HECW2: variants seen among roughly 807,000 people sequenced by gnomAD.
HECW2 encodes the protein E3 ubiquitin-protein ligase HECW2.
Under a neutral mutation model 175.2 loss-of-function variants are expected in HECW2, and 61 were observed. The ratio of observed to expected loss-of-function variants is 0.35; its 90% CI spans 0.28 to 0.43. The LOEUF (loss-of-function observed/expected upper bound fraction) is 0.43, where lower values mean the gene tolerates loss of function less well. Among genes scored for constraint, HECW2 ranks in the 20% least tolerant of loss-of-function variants. The probability of loss-of-function intolerance (pLI) is 1.00; values close to 1 mark genes in which losing one functional copy is unlikely to be tolerated. For synonymous variants in HECW2, 671 were observed against 731.0 expected (o/e 0.92, Z 1.32); for missense variants, 1,524 against 2,000.5 (o/e 0.76, Z 4.54).
At chr2:196,220,013 C>T in intron 26 of HECW2, 26 bp downstream of exon 26, 1 of 1,400,850 alleles carries the variant, frequency 7.1e-7, no homozygotes, top group East Asian at 2.3e-5. Context: ...AATTTAAAAT[C>T]TAGCCATCTA....
At position 196,320,452 on chromosome 2, in the gene HECW2, A is replaced by G. The variant is rs755772541; in HGVS notation, c.885-13T>C. On this transcript the variant is annotated splice_polypyrimidine_tract_variant and intron_variant, in intron 7 of 28. Coordinates refer to ENST00000644978, the MANE Select transcript of HECW2 (RefSeq NM_001348768.2). ...GAGCATTTGATCACTGCAAGAAGAGAAATGCTTCTTTCATCCTGACTACGC... is the reference window on the plus strand; with the variant it reads ...GAGCATTTGATCACTGCAAGAAGAGGAATGCTTCTTTCATCCTGACTACGC... 1 of 1,572,304 alleles carries G rather than the reference A, an allele frequency of 6.4e-7. No individual in the cohort carries two copies.
At chr2:196,446,682 A>G (rs1696194668) in intron 1 of HECW2, among the ~76,000 whole-genome samples, 2 of 152,234 alleles carry the variant, frequency 1.3e-5, no homozygotes, top group Non-Finnish European at 2.9e-5. Flanking sequence ...GTTAAATTTT[A>G]AAGTCTGAGG....
chr2:196,288,261 T>C (rs1033793371), intron 14 of HECW2: 2 of 152,218 alleles, frequency 1.3e-5, no homozygotes, highest in East Asian at 3.8e-4. Flanking sequence ...TTCATGATCA[T>C]GGCTGACGGA....
chr2:196,313,491 T>G (rs1439405222), intron 10 of HECW2, among the ~76,000 whole-genome samples: 1 of 152,166 alleles, frequency 6.6e-6, no homozygotes, highest in Non-Finnish European at 1.5e-5. Context: ...ATCATTAGAA[T>G]ATCTCTCAAC....
chr2:196,323,328 CT>C (rs1276183973), intron 6 of HECW2, among the ~76,000 whole-genome samples: 1 of 152,190 alleles, frequency 6.6e-6, no homozygotes, highest in Non-Finnish European at 1.5e-5. Flanking sequence ...CTCACAGAGA[CT>C]TTTACATATA....
At chr2:196,516,916 C>A (rs936342814) in intron 1 of HECW2, among the ~76,000 whole-genome samples, 1 of 152,178 alleles carries the variant, frequency 6.6e-6, no homozygotes, top group East Asian at 1.9e-4. Context: ...CCATTCCTCG[C>A]AAGCTGTTAC....
At chr2:196,278,133 A>AAAAAAAAAAAATAT (rs531920307) in intron 15 of HECW2, among the ~76,000 whole-genome samples, 1 of 66,548 alleles carries the variant, frequency 1.5e-5, no homozygotes, top group Non-Finnish European at 3.3e-5. Flanking sequence ...ATAATTAAAA[A>AAAAAAAAAAAATAT]ATATATATAT....
At chr2:196,531,323 G>A (rs895213174) in intron 1 of HECW2, among the ~76,000 whole-genome samples, 10 of 152,120 alleles carry the variant, frequency 6.6e-5, no homozygotes, top group Admixed American at 2.6e-4. Flanking sequence ...TGTTACAGCA[G>A]CTTAGCTTGT....
chr2:196,340,992 T>C (rs1692731093), intron 3 of HECW2, among the ~76,000 whole-genome samples: 1 of 152,106 alleles, frequency 6.6e-6, no homozygotes, highest in South Asian at 2.1e-4. Context: ...ATCAAGCCCA[T>C]TTCTATTAAA....
At chr2:196,449,847 A>G (rs1222737251) in intron 1 of HECW2, among the ~76,000 whole-genome samples, 1 of 152,112 alleles carries the variant, frequency 6.6e-6, no homozygotes, top group Non-Finnish European at 1.5e-5. Flanking sequence ...TTTTAAATTT[A>G]TAGAAAGATA....
At chr2:196,521,850 T>C (rs1258040141) in intron 1 of HECW2, among the ~76,000 whole-genome samples, 2 of 150,188 alleles carry the variant, frequency 1.3e-5, no homozygotes, top group African/African-American at 4.9e-5. Context: ...CCATGGTGTA[T>C]ATGTGCCACA....
chr2:196,223,068 A>AT (rs1042666204), intron 23 of HECW2, among the ~76,000 whole-genome samples: 8 of 151,720 alleles, frequency 5.3e-5, no homozygotes, highest in East Asian at 3.9e-4. Flanking sequence ...TTTAAGGGTC[A>AT]TTTTTTTTCA....
At chr2:196,413,347 C>T (rs182917622) in intron 2 of HECW2, among the ~76,000 whole-genome samples, 4 of 151,822 alleles carry the variant, frequency 2.6e-5, no homozygotes, top group Admixed American at 1.3e-4. Flanking sequence ...AGAGCAAGAC[C>T]CTGTCTTTTT....
intron 28 of HECW2, among the ~76,000 whole-genome samples, chr2:196,205,054 G>A (rs1687018723): frequency 1.3e-5 from 2 of 152,178 alleles, no homozygotes; most frequent in Admixed American, 1.3e-4. Flanking sequence ...GACATAATCA[G>A]CATTACTAAT....
Position 196,235,616 on chromosome 2 carries a change from AC to A in HECW2, c.3764+4832del, listed in dbSNP as rs1688216799. ...AGCTGAAATCTCTCTGCTCATTCACACCTTTTTTGGAGCACAGGTAGATGCA... is the reference window on the plus strand; with the variant it reads ...AGCTGAAATCTCTCTGCTCATTCACACTTTTTTGGAGCACAGGTAGATGCA... On this transcript the variant is annotated intron_variant, in intron 21 of 28. Coordinates refer to ENST00000644978, the MANE Select transcript of HECW2 (RefSeq NM_001348768.2). Among the ~76,000 whole-genome samples, 3 of 143,056 alleles carry A rather than the reference AC, an allele frequency of 2.1e-5. No individual in the cohort carries two copies. The South Asian group carries it at 6.7e-4, about 32-fold the overall frequency. The allele number at this position is 143,056 out of a possible 152,430, so 93.9% of individuals were successfully genotyped here. A position where few individuals can be genotyped will look rare whatever the true frequency, so the allele number is the denominator to read the frequency against.
intron 1 of HECW2, among the ~76,000 whole-genome samples, chr2:196,575,138 A>T (rs1222405149): frequency 6.6e-6 from 1 of 151,750 alleles, no homozygotes; most frequent in African/African-American, 2.4e-5. Flanking sequence ...TTTGCAAAAA[A>T]AAAAATACAA....
intron 2 of HECW2, among the ~76,000 whole-genome samples, chr2:196,354,234 A>C (rs755877000): frequency 5.3e-5 from 8 of 152,196 alleles, no homozygotes; most frequent in Non-Finnish European, 1.2e-4. Context: ...TAATTACCAC[A>C]TTGTAACACC....
Position 196,318,795 on chromosome 2 carries a change from C to A in HECW2, c.2095G>T (p.Glu699Ter). The change falls in exon 9 of 29, where the codon GAA becomes TAA. Residue 699 changes from glutamate (E) to a stop codon, truncating the protein, a stop_gained. Coordinates refer to ENST00000644978, the MANE Select transcript of HECW2 (RefSeq NM_001348768.2). LOFTEE classifies it high-confidence loss of function. ...TSSGPAEGSQ[E>*]SVCTAGSLPV... The stretch of plus-strand genomic sequence containing the variant: ...AAAGAACCAGCAGTGCACACGGATT[C>A]CTGCGACCCTTCGGCAGGGCCACTG... 6.5e-7 allele frequency: 1 copy of A among 1,527,778 alleles called. No individual in the cohort carries two copies. The highest frequency in any genetic ancestry group is 8.8e-7 in the Non-Finnish European group (1 of 1,136,418). 94.6% of individuals were successfully genotyped at this position (1,527,778 alleles called of 1,614,324 possible). A position where few individuals can be genotyped will look rare whatever the true frequency, so the allele number is the denominator to read the frequency against.
chr2:196,551,324 G>C (rs762663347), intron 1 of HECW2, among the ~76,000 whole-genome samples: 2 of 152,202 alleles, frequency 1.3e-5, no homozygotes, highest in Non-Finnish European at 2.9e-5. Flanking sequence ...AGGGGCAGGA[G>C]AAAGTTAAGT....
Sources: gnomAD v4.1 joint callset for allele counts (sites outside exome capture counted in the v4.1 genomes callset) on GRCh38, gnomAD v4.1.1 for gene constraint, MANE v1.5 for transcripts, NCBI Gene and HGNC (gene_info 2026-07-23, HGNC 2026-07-21) for gene names.